NTM: variants seen among roughly 807,000 people sequenced by gnomAD.
NTM encodes the protein neurotrimin, also known as IgLON family member 2.
NTM carries 13 observed loss-of-function variants against 42.1 expected under a neutral mutation model. The ratio of observed to expected loss-of-function variants is 0.31; its 90% CI spans 0.20 to 0.49. The LOEUF (loss-of-function observed/expected upper bound fraction) is 0.49. NTM is among the 20% of genes least tolerant of loss of function. NTM has a pLI of 0.99. For missense variants in NTM, 373 were observed against 452.8 expected, an observed-to-expected ratio of 0.82 and a Z score of 1.60; for synonymous variants, 187 against 179.2, an observed-to-expected ratio of 1.04 and a Z score of -0.35.
chr11:131,860,913 C>G (rs1202212013), intron 1 of NTM, among the ~76,000 whole-genome samples: 1 of 152,218 alleles, frequency 6.6e-6, no homozygotes, highest in African/African-American at 2.4e-5. Context: ...GCCAAAGACA[C>G]TGATGTCCAC....
At chr11:131,761,354 G>A (rs2084142734) in intron 1 of NTM, among the ~76,000 whole-genome samples, 1 of 152,156 alleles carries the variant, frequency 6.6e-6, no homozygotes, top group Admixed American at 6.5e-5. Flanking sequence ...AAGGGTTACA[G>A]ATGGAATGTT....
intron 1 of NTM, among the ~76,000 whole-genome samples, chr11:131,686,822 A>G (rs964099488): frequency 1.3e-5 from 2 of 152,180 alleles, no homozygotes; most frequent in African/African-American, 4.8e-5. Flanking sequence ...AAAGGTAGAA[A>G]ATAATTTCGG....
At chr11:131,882,157 A>G (rs1254722341) in intron 1 of NTM, among the ~76,000 whole-genome samples, 2 of 152,182 alleles carry the variant, frequency 1.3e-5, no homozygotes, top group Non-Finnish European at 2.9e-5. Context: ...TTGGTAATCA[A>G]TAGGGTGTAT....
intron 2 of NTM, among the ~76,000 whole-genome samples, chr11:131,953,069 T>G (rs1283542726): frequency 6.6e-6 from 1 of 152,124 alleles, no homozygotes; most frequent in Non-Finnish European, 1.5e-5. Context: ...TCATGACTCT[T>G]AGGTAGAAAG....
rs144273549 is a variant in NTM at position 131,842,879 on chromosome 11, C to T, written c.83-68685C>T. ...TACAAAATTTAGTCGGGCGTGGTGC[C>T]GCATGCCTGTAATCCCAGCTACTCA... is the stretch of plus-strand genomic sequence containing the variant. On this transcript the variant is annotated intron_variant, in intron 1 of 8. Transcript: ENST00000683400. Among the ~76,000 whole-genome samples the T allele has an allele frequency of 2.7e-3, 415 of 151,946 alleles. 1 individual carries two copies. Among genetic ancestry groups the T allele is most frequent in the African/African-American group, 9.5e-3 (395 of 41,418 alleles).
chr11:132,191,730 T>C (rs907461562), intron 3 of NTM, among the ~76,000 whole-genome samples: 2 of 151,972 alleles, frequency 1.3e-5, no homozygotes, highest in African/African-American at 4.8e-5. Flanking sequence ...GCCTGGAAGA[T>C]CAACAAGATA....
At chr11:131,445,876 G>A (rs551569400) in intron 1 of NTM, among the ~76,000 whole-genome samples, 1 of 152,124 alleles carries the variant, frequency 6.6e-6, no homozygotes. Flanking sequence ...GGAGCATAAC[G>A]GTGCTCATTA....
chr11:132,320,911 G>T (rs536183382), intron 7 of NTM, among the ~76,000 whole-genome samples: 1 of 151,462 alleles, frequency 6.6e-6, no homozygotes. Flanking sequence ...CCCCAGCAGG[G>T]CCACACTGAC....
intron 3 of NTM, among the ~76,000 whole-genome samples, chr11:132,177,029 G>T (rs182986538): frequency 6.6e-6 from 1 of 152,070 alleles, no homozygotes; most frequent in South Asian, 2.1e-4. Context: ...GAGCCGTGCC[G>T]CCTGACATGC....
At chr11:132,024,149 A>G (rs1046819468) in intron 2 of NTM, among the ~76,000 whole-genome samples, 3 of 151,696 alleles carry the variant, frequency 2.0e-5, no homozygotes, top group Admixed American at 6.6e-5. Context: ...TTTCCCACAG[A>G]GAGGGAAGGA....
At chr11:131,900,425 A>G (rs911715162) in intron 1 of NTM, among the ~76,000 whole-genome samples, 1 of 152,248 alleles carries the variant, frequency 6.6e-6, no homozygotes, top group Non-Finnish European at 1.5e-5. Flanking sequence ...TAATCAGGAC[A>G]GTGACAAGGT....
intron 4 of NTM, 38 bp from the exon 5 acceptor site, chr11:132,307,651 T>TC (rs2095137813): frequency 6.2e-7 from 1 of 1,610,138 alleles, no homozygotes; most frequent in African/African-American, 1.3e-5. Context: ...GTCTTTTTTT[T>TC]CCTTGTATTT....
chr11:132,004,630 T>A (rs866094268), intron 2 of NTM, among the ~76,000 whole-genome samples: 4,984 of 138,238 alleles, frequency 0.036, 271 homozygotes, highest in African/African-American at 0.13. Context: ...TCTCTCTCTC[T>A]CTCTCACACA....
chr11:131,974,924 G>C (rs189802753), intron 2 of NTM, among the ~76,000 whole-genome samples: 1 of 152,232 alleles, frequency 6.6e-6, no homozygotes. Context: ...TATCACAAAT[G>C]TCCTAAATTA....
At chr11:131,617,014 A>G (rs1178079661) in intron 1 of NTM, among the ~76,000 whole-genome samples, 3 of 152,190 alleles carry the variant, frequency 2.0e-5, no homozygotes, top group African/African-American at 7.2e-5. Flanking sequence ...AGCAGATTCC[A>G]GCTCCAACTC....
intron 2 of NTM, among the ~76,000 whole-genome samples, chr11:132,136,398 G>A (rs889090635): frequency 5.3e-5 from 8 of 152,218 alleles, no homozygotes; most frequent in East Asian, 1.9e-4. Flanking sequence ...GGCCCACCTC[G>A]AACCCAGGTG....
chr11:131,710,827 G>T (rs960180077), intron 1 of NTM, among the ~76,000 whole-genome samples: 2 of 152,248 alleles, frequency 1.3e-5, no homozygotes, highest in African/African-American at 4.8e-5. Context: ...AGAGGCATTT[G>T]TGGGTTACCT....
chr11:131,829,560 C>T (rs1007914956), intron 1 of NTM, among the ~76,000 whole-genome samples: 3 of 152,114 alleles, frequency 2.0e-5, no homozygotes, highest in East Asian at 3.9e-4. Flanking sequence ...TGTATATGTA[C>T]CATGTTTTCT....
intron 2 of NTM, among the ~76,000 whole-genome samples, chr11:132,102,477 C>T (rs2061743532): frequency 2.0e-5 from 3 of 152,204 alleles, no homozygotes; most frequent in Admixed American, 2.0e-4. Flanking sequence ...TGCCATATAA[C>T]TGCACCACGA....
Sources: allele counts gnomAD v4.1 joint callset (sites outside exome capture counted in the v4.1 genomes callset), GRCh38; gene constraint gnomAD v4.1.1; transcripts MANE v1.5; gene names NCBI Gene and HGNC (gene_info 2026-07-23, HGNC 2026-07-21).